Variants in L3MBTL4 observed in about 807,000 individuals in gnomAD.
The protein encoded by L3MBTL4 is lethal(3)malignant brain tumor-like protein 4.
Under a neutral mutation model 84.5 loss-of-function variants are expected in L3MBTL4, and 70 were observed. The ratio of observed to expected loss-of-function variants is 0.83; its 90% CI spans 0.68 to 1.01. L3MBTL4 has a LOEUF of 1.01. Among genes scored for constraint, L3MBTL4 ranks in the 50% least tolerant of loss-of-function variants. The pLI, the probability that L3MBTL4 is intolerant of heterozygous loss-of-function variation, is 0.00. For missense variants in L3MBTL4, 715 were observed against 754.8 expected, an observed-to-expected ratio of 0.95 and a Z score of 0.62; for synonymous variants, 274 against 259.8, an observed-to-expected ratio of 1.05 and a Z score of -0.52.
chr18:5,975,997 T>C (rs2052908828), intron 16 of L3MBTL4, among the ~76,000 whole-genome samples: 1 of 152,204 alleles, frequency 6.6e-6, no homozygotes, highest in Non-Finnish European at 1.5e-5. Flanking sequence ...TTTATATAAA[T>C]ATGGGAGATG....
chr18:6,035,352 C>T (rs1306656077), intron 16 of L3MBTL4, among the ~76,000 whole-genome samples: 2 of 152,164 alleles, frequency 1.3e-5, no homozygotes, highest in African/African-American at 4.8e-5. Flanking sequence ...GATCCAGTTT[C>T]AGCTTTGTAC....
intron 13 of L3MBTL4, among the ~76,000 whole-genome samples, chr18:6,149,830 TG>T (rs1211114416): frequency 6.6e-6 from 1 of 152,210 alleles, no homozygotes; most frequent in African/African-American, 2.4e-5. Context: ...CAAGTGAAAA[TG>T]CTGCAAAACC....
At chr18:6,156,019 C>T (rs928992940) in intron 13 of L3MBTL4, among the ~76,000 whole-genome samples, 4 of 152,098 alleles carry the variant, frequency 2.6e-5, no homozygotes, top group Non-Finnish European at 4.4e-5. Context: ...ATGCTAATAC[C>T]ATTAAGCTTG....
chr18:6,382,344 G>A (rs503309), intron 1 of L3MBTL4, among the ~76,000 whole-genome samples: 93,523 of 151,978 alleles, frequency 0.62, 29,109 homozygotes, highest in African/African-American at 0.72. Context: ...CAATTCATCA[G>A]ACTCATTCTC....
intron 18 of L3MBTL4, among the ~76,000 whole-genome samples, chr18:5,958,157 GAACAAGAA>G (rs2095243595): frequency 1.5e-5 from 1 of 66,202 alleles, no homozygotes; most frequent in African/African-American, 5.8e-5. Context: ...AGAAGAAGAA[GAACAAGAA>G]GAAGAAGAAG....
At chr18:6,230,248 A>T (rs575014487) in intron 10 of L3MBTL4, among the ~76,000 whole-genome samples, 1 of 152,122 alleles carries the variant, frequency 6.6e-6, no homozygotes, top group Non-Finnish European at 1.5e-5. Flanking sequence ...CACCCTCAAG[A>T]ATCCCCCCAG....
chr18:6,123,151 C>T (rs1032858241), intron 14 of L3MBTL4, among the ~76,000 whole-genome samples: 7 of 152,098 alleles, frequency 4.6e-5, no homozygotes, highest in South Asian at 2.1e-4. Context: ...CAATTATGGG[C>T]CTTACATTTG....
intron 1 of L3MBTL4, among the ~76,000 whole-genome samples, chr18:6,318,778 G>C: frequency 6.6e-6 from 1 of 151,938 alleles, no homozygotes; most frequent in Non-Finnish European, 1.5e-5. Context: ...TAGAACAAAT[G>C]AAGCTAACAT....
At chr18:6,320,636 A>C (rs190443723) in intron 1 of L3MBTL4, among the ~76,000 whole-genome samples, 1 of 152,316 alleles carries the variant, frequency 6.6e-6, no homozygotes, top group Non-Finnish European at 1.5e-5. Context: ...ATGAATTGGA[A>C]GGATCAATAT....
chr18:6,190,822 A>T (rs1345388738), intron 12 of L3MBTL4, among the ~76,000 whole-genome samples: 2 of 152,212 alleles, frequency 1.3e-5, no homozygotes, highest in Non-Finnish European at 2.9e-5. Context: ...TGGAAAAGAT[A>T]GGCTTAAAAG....
At chr18:6,403,823 AC>A (rs1453445683) in intron 1 of L3MBTL4, among the ~76,000 whole-genome samples, 1 of 152,238 alleles carries the variant, frequency 6.6e-6, no homozygotes, top group Non-Finnish European at 1.5e-5. Context: ...ACAATTCACA[AC>A]TGCAAAAATA....
intron 13 of L3MBTL4, among the ~76,000 whole-genome samples, chr18:6,145,552 AACAGT>A (rs2042613112): frequency 6.6e-6 from 1 of 151,922 alleles, no homozygotes; most frequent in African/African-American, 2.4e-5. Context: ...TCACTGCTGA[AACAGT>A]ACTCGATTCA....
chr18:6,166,746 C>A (rs1222612521), intron 13 of L3MBTL4, among the ~76,000 whole-genome samples: 1 of 151,936 alleles, frequency 6.6e-6, no homozygotes, highest in Non-Finnish European at 1.5e-5. Flanking sequence ...AAAATTGACA[C>A]CCTAACATAA....
At chr18:6,244,371 C>A in intron 6 of L3MBTL4, 113 bp downstream of exon 6, 1 of 631,816 alleles carries the variant, frequency 1.6e-6, no homozygotes, top group Non-Finnish European at 2.7e-6. Flanking sequence ...TAAAATAAAT[C>A]CATAATGCAC....
intron 15 of L3MBTL4, chr18:6,081,408 T>C (rs763568186): frequency 9.8e-5 from 15 of 152,650 alleles, no homozygotes; most frequent in Non-Finnish European, 2.2e-4. Context: ...TAATTAACTT[T>C]TAAAATGCTG....
At chr18:6,218,769 A>G (rs911515306) in intron 10 of L3MBTL4, among the ~76,000 whole-genome samples, 1 of 152,180 alleles carries the variant, frequency 6.6e-6, no homozygotes, top group Non-Finnish European at 1.5e-5. Context: ...GAGTTGCAAA[A>G]GCCACGTACT....
intron 14 of L3MBTL4, among the ~76,000 whole-genome samples, chr18:6,104,548 A>G (rs2058936361): frequency 6.6e-6 from 1 of 152,228 alleles, no homozygotes; most frequent in East Asian, 1.9e-4. Flanking sequence ...AGCAGAAAGT[A>G]GAATGGTGGT....
chr18:6,318,627 A>G (rs2051245979), intron 1 of L3MBTL4, among the ~76,000 whole-genome samples: 1 of 151,958 alleles, frequency 6.6e-6, no homozygotes, highest in Admixed American at 6.6e-5. Context: ...CCAGATTCAT[A>G]AAACAATTAC....
At chr18:6,167,151 TC>T (rs2043709755) in intron 13 of L3MBTL4, among the ~76,000 whole-genome samples, 1 of 152,002 alleles carries the variant, frequency 6.6e-6, no homozygotes, top group South Asian at 2.1e-4. Flanking sequence ...TCTGAATAGA[TC>T]AATAACAGGC....
Sources: gnomAD v4.1 joint callset for allele counts (sites outside exome capture counted in the v4.1 genomes callset) on GRCh38, gnomAD v4.1.1 for gene constraint, MANE v1.5 for transcripts, NCBI Gene and HGNC (gene_info 2026-07-23, HGNC 2026-07-21) for gene names.